CACNA1C: variants seen among roughly 807,000 people sequenced by gnomAD.
The protein encoded by CACNA1C is calcium voltage-gated channel subunit alpha1 C.
A neutral mutation model predicts 229.0 loss-of-function variants in CACNA1C; 30 were observed. The observed-to-expected ratio is 0.13, with a 90% confidence interval of 0.10 to 0.18. The LOEUF (loss-of-function observed/expected upper bound fraction) is 0.18. Among genes scored for constraint, CACNA1C ranks in the 10% least tolerant of loss-of-function variants. CACNA1C has a pLI of 1.00. For synonymous variants in CACNA1C, 1,114 were observed against 1,132.5 expected (o/e 0.98, Z 0.33); for missense variants, 1,658 against 2,845.0 (o/e 0.58, Z 9.49).
chr12:2,249,974 A>G (rs960268636), intron 3 of CACNA1C, among the ~76,000 whole-genome samples: 1 of 151,948 alleles, frequency 6.6e-6, no homozygotes, highest in Non-Finnish European at 1.5e-5. Flanking sequence ...ACGCCTGGCT[A>G]ATTTTTTGTA....
intron 3 of CACNA1C, among the ~76,000 whole-genome samples, chr12:2,360,249 G>A (rs2097526508): frequency 6.9e-6 from 1 of 145,480 alleles, no homozygotes; most frequent in African/African-American, 2.6e-5. Context: ...CAAGAGGCTG[G>A]TGATGTGAGG....
rs2047942834 is a variant in CACNA1C at position 2,029,864 on chromosome 12, C to T, written c.139+58663C>T. 6.6e-6 allele frequency among the ~76,000 whole-genome samples: 1 copy of T among 152,192 alleles called. No individual in the cohort carries two copies. The highest frequency in any genetic ancestry group is 6.5e-5 in the Admixed American group (1 of 15,278). The stretch of plus-strand genomic sequence containing the variant: ...CTGGTGGGACCTGCTCTGTTAGGTT[C>T]CCTGCCTGTCACTGCTCTTGTGCCC... On this transcript the variant is annotated intron_variant, in intron 1 of 46. Coordinates refer to the CACNA1C transcript ENST00000682462. The surrounding 1 kb of genome is among the most constrained non-coding windows in gnomAD (Gnocchi z 4.9).
intron 3 of CACNA1C, among the ~76,000 whole-genome samples, chr12:2,159,681 T>C (rs1048342293): frequency 6.6e-6 from 1 of 151,002 alleles, no homozygotes; most frequent in Non-Finnish European, 1.5e-5. Flanking sequence ...CTCGGCTCAC[T>C]GCAACCTTCA....
intron 3 of CACNA1C, among the ~76,000 whole-genome samples, chr12:2,266,978 C>G (rs144469121): frequency 6.6e-6 from 1 of 152,322 alleles, no homozygotes; most frequent in East Asian, 1.9e-4. Context: ...ATTTATTAAA[C>G]GCTTATGTTG....
At chr12:2,086,724 G>A (rs1464921661) in intron 1 of CACNA1C, among the ~76,000 whole-genome samples, 9 of 152,184 alleles carry the variant, frequency 5.9e-5, no homozygotes, top group Admixed American at 1.3e-4. Flanking sequence ...TTCAGCTAAT[G>A]TATGGAGAAA....
At chr12:2,007,205 G>T (rs553402844) in intron 1 of CACNA1C, among the ~76,000 whole-genome samples, 1 of 152,086 alleles carries the variant, frequency 6.6e-6, no homozygotes, top group Non-Finnish European at 1.5e-5. Flanking sequence ...CATTTCCCTC[G>T]TACATATAAT....
intron 3 of CACNA1C, among the ~76,000 whole-genome samples, chr12:2,252,607 A>C (rs2075986154): frequency 6.6e-6 from 1 of 152,182 alleles, no homozygotes; most frequent in African/African-American, 2.4e-5. Flanking sequence ...TTTAAATGTC[A>C]AGGTTGCCTT....
At position 2,127,655 on chromosome 12, in the gene CACNA1C, G is replaced by A. The variant is rs374078331; in HGVS notation, c.477+7225G>A. Among the ~76,000 whole-genome samples the A allele has an allele frequency of 7.9e-5, 12 of 152,278 alleles. No individual in the cohort carries two copies. In the East Asian group the frequency reaches 1.4e-3, roughly 17 times the overall value. ...GATGAGAGAATGAGCTTGACACAGC[G>A]CATTGGGAAAGTGCTTCTACGGAGT... On this transcript the variant is annotated intron_variant, in intron 3 of 46. Coordinates refer to ENST00000399655, the MANE Select transcript of CACNA1C (RefSeq NM_000719.7).
At chr12:2,465,779 C>T (rs1285975014) in intron 5 of CACNA1C, among the ~76,000 whole-genome samples, 1 of 152,170 alleles carries the variant, frequency 6.6e-6, no homozygotes, top group Non-Finnish European at 1.5e-5. Context: ...GGGAGGTTCA[C>T]GAACCCACCC....
intron 3 of CACNA1C, among the ~76,000 whole-genome samples, chr12:2,231,976 G>C (rs535193138): frequency 6.6e-6 from 1 of 152,212 alleles, no homozygotes; most frequent in African/African-American, 2.4e-5. Flanking sequence ...GAATAGTGTA[G>C]AGTTCCCATA....
rs1186105533 is a variant in CACNA1C, at chr12:2,556,975, C to T, written c.1506C>T (p.Phe502=). 6.2e-7 allele frequency: 1 copy of T among 1,612,692 alleles called. No individual in the cohort carries two copies. The highest frequency in any genetic ancestry group is 1.7e-5 in the Admixed American group (1 of 60,022). The part of the protein sequence containing the change: ...RLAHRISKSK[F]SRYWRRWNRF... The stretch of plus-strand genomic sequence containing the variant: ...GCCACCGGATCTCCAAGTCAAAGTT[C>T]AGGTGAGTGAGACTCACGCTGCTCT... The change falls in exon 11 of 47, where the codon TTC becomes TTT. Residue 502 remains phenylalanine (F), a splice_region_variant and synonymous_variant. Coordinates refer to ENST00000399655, the MANE Select transcript of CACNA1C (RefSeq NM_000719.7).
At chr12:2,586,300 A>T (rs1259756386) in intron 18 of CACNA1C, among the ~76,000 whole-genome samples, 2 of 152,176 alleles carry the variant, frequency 1.3e-5, no homozygotes, top group Non-Finnish European at 2.9e-5. Context: ...CCTACTCAGG[A>T]GGCAGTGCCG....
At chr12:2,375,249 G>A (rs1344247567) in intron 3 of CACNA1C, among the ~76,000 whole-genome samples, 1 of 152,202 alleles carries the variant, frequency 6.6e-6, no homozygotes, top group Non-Finnish European at 1.5e-5. Flanking sequence ...AGAAGGGCTG[G>A]CATCTTCCCT....
At chr12:2,297,236 C>T (rs942111777) in intron 3 of CACNA1C, among the ~76,000 whole-genome samples, 5 of 152,164 alleles carry the variant, frequency 3.3e-5, no homozygotes, top group South Asian at 2.1e-4. Context: ...ACGTGGGAGC[C>T]GTCACTGCAG....
intron 3 of CACNA1C, among the ~76,000 whole-genome samples, chr12:2,255,532 G>A (rs2077116378): frequency 6.6e-6 from 1 of 152,164 alleles, no homozygotes; most frequent in Admixed American, 6.5e-5. Context: ...AAAGGAGGTC[G>A]GCCTCTTCAA....
chr12:2,488,103 C>A lies in CACNA1C; in HGVS notation c.916+1841C>A, dbSNP rs148090570. ...GAGCGAAATGGTAGAATTCAGCCAT[C>A]GAGCCAAAGATGGCGGCCCTGCTGT... On this transcript the variant is annotated intron_variant, in intron 6 of 46. Coordinates refer to ENST00000399655, the MANE Select transcript of CACNA1C (RefSeq NM_000719.7). The surrounding 1 kb of genome is among the most constrained non-coding windows in gnomAD (Gnocchi z 4.0). Among the ~76,000 whole-genome samples, 7 of 152,304 alleles carry A rather than the reference C, an allele frequency of 4.6e-5. 2 individuals carry two copies.
At chr12:2,174,920 C>G (rs536528151) in intron 3 of CACNA1C, among the ~76,000 whole-genome samples, 1 of 152,136 alleles carries the variant, frequency 6.6e-6, no homozygotes, top group Non-Finnish European at 1.5e-5. Context: ...TCTTCATCCT[C>G]CTTGTCTTCA....
intron 3 of CACNA1C, among the ~76,000 whole-genome samples, chr12:2,283,386 G>A (rs565986639): frequency 2.6e-5 from 4 of 152,144 alleles, no homozygotes; most frequent in Non-Finnish European, 5.9e-5. Context: ...TGCAGGGTAT[G>A]GAAGCATCTG....
chr12:2,552,268 C>T (rs901375308), intron 10 of CACNA1C, among the ~76,000 whole-genome samples: 6 of 152,208 alleles, frequency 3.9e-5, no homozygotes, highest in Non-Finnish European at 8.8e-5. Context: ...CACCATCGTG[C>T]TGGAGCTCAC....
Sources: allele counts gnomAD v4.1 joint callset (sites outside exome capture counted in the v4.1 genomes callset), GRCh38; gene constraint gnomAD v4.1.1; non-coding constraint Gnocchi (gnomAD v3.1); transcripts MANE v1.5; gene names NCBI Gene and HGNC (gene_info 2026-07-23, HGNC 2026-07-21).